CSH2: variants seen among roughly 807,000 people sequenced by gnomAD.
CSH2 encodes choriomammotropin.
A neutral mutation model predicts 22.7 loss-of-function variants in CSH2; 10 were observed. The observed-to-expected ratio is 0.44, with a 90% CI of 0.27 to 0.75. CSH2 has a LOEUF of 0.75. CSH2 is among the 30% of genes least tolerant of loss of function. CSH2 has a pLI of 0.16. For synonymous variants in CSH2, 64 were observed against 115.0 expected (o/e 0.56, Z 2.84); for missense variants, 161 against 271.0 (o/e 0.59, Z 2.85).
rs1476662457 is a variant in CSH2, at chr17:63,872,428, C to T, written c.457-105G>A. ...CTCCCCTTCAGGGTGTAGAGAAGGG[C>T]CTGGAGGATTCACCAGGCGAAATGA... On this transcript the variant is annotated intron_variant, in intron 4 of 4. Coordinates refer to ENST00000392886, the MANE Select transcript of CSH2 (RefSeq NM_020991.4). 1.1e-5 allele frequency: 17 copies of T among 1,613,630 alleles called. 1 individual carries two copies. The South Asian group carries it at 1.8e-4, about 17-fold the overall frequency.
intron 1 of CSH2, 25 bp downstream of exon 1, chr17:63,873,580 C>A (rs1435176888): frequency 6.8e-6 from 11 of 1,610,262 alleles, no homozygotes; most frequent in African/African-American, 1.3e-5. Context: ...CACGTTGTGC[C>A]CAAAGGGATT....
In CSH2 at chr17:63,872,662, G is replaced by C. The variant is rs1439972034; in HGVS notation, c.371C>G (p.Ala124Gly). ...EPVRFLRSMF[A>G]NNLVYDTSDS... ...CGAGGTGTCATACACCAGGTTGTTG[G>C]CGAACATACTCCTGAGGAACCGCAC... Residue 124 changes from alanine to glycine, a missense_variant, in exon 4 of 5, where the codon GCC becomes GGC. This residue lies in a region of CSH2 where 145 missense variants were observed against 157.8 expected (regional missense o/e 0.92). Transcript: ENST00000392886. 1.2e-6 allele frequency: 2 copies of C among 1,608,834 alleles called. No homozygotes were observed. Among genetic ancestry groups the C allele is most frequent in the Non-Finnish European group, 1.7e-6 (2 of 1,178,386 alleles).
intron 1 of CSH2, 34 bp from the exon 2 acceptor site, chr17:63,873,373 G>C (rs776664067): frequency 2.5e-6 from 4 of 1,611,702 alleles, no homozygotes; most frequent in Admixed American, 3.3e-5. Flanking sequence ...GGAGGGAGCC[G>C]GAGAGGAAGA....
At position 63,872,568 on chromosome 17, in the gene CSH2, C is replaced by T; in HGVS notation, c.456+9G>A. 1 of 1,614,050 alleles carries T rather than the reference C, an allele frequency of 6.2e-7. No homozygotes were observed. Among genetic ancestry groups the T allele is most frequent in the Admixed American group, 1.7e-5 (1 of 60,020 alleles). Reference sequence around the variant, plus strand: ...TTCCAGGATTGGCGACCCCTGGCGCCACCCTCACCCCCATCAGCGTTTGGA... The same window carrying T: ...TTCCAGGATTGGCGACCCCTGGCGCTACCCTCACCCCCATCAGCGTTTGGA... On this transcript the variant is annotated intron_variant, in intron 4 of 4. Transcript: ENST00000392886.
At position 63,872,565 on chromosome 17, in the gene CSH2, C is replaced by T. The variant is rs147777413; in HGVS notation, c.456+12G>A. 100 of 1,614,004 alleles carry T rather than the reference C, an allele frequency of 6.2e-5. No homozygotes were observed. Among genetic ancestry groups the T allele is most frequent in the African/African-American group, 5.7e-4 (43 of 75,046 alleles). ...GGGTTCCAGGATTGGCGACCCCTGGCGCCACCCTCACCCCCATCAGCGTTT... is the reference window on the plus strand; with the variant it reads ...GGGTTCCAGGATTGGCGACCCCTGGTGCCACCCTCACCCCCATCAGCGTTT... On this transcript the variant is annotated intron_variant, in intron 4 of 4. Coordinates refer to ENST00000392886, the MANE Select transcript of CSH2 (RefSeq NM_020991.4).
chr17:63,872,493 A>C (rs759198862), intron 4 of CSH2, 84 bp downstream of exon 4: 1 of 1,613,912 alleles, frequency 6.2e-7, no homozygotes, highest in Non-Finnish European at 8.5e-7. Context: ...CCTGACTGCT[A>C]CAAAGAGGGC....
chr17:63,873,448 C>G, intron 1 of CSH2, 109 bp from the exon 2 acceptor site: 3 of 1,599,748 alleles, frequency 1.9e-6, no homozygotes, highest in Non-Finnish European at 2.6e-6. Context: ...CTCCAGAGAC[C>G]AGGAACATTC....
rs368416587 is a variant in CSH2 at position 63,872,556 on chromosome 17, G to A, written c.456+21C>T. ...AAGCCAGTGGGGTTCCAGGATTGGCGACCCCTGGCGCCACCCTCACCCCCA... is the reference window on the plus strand; with the variant it reads ...AAGCCAGTGGGGTTCCAGGATTGGCAACCCCTGGCGCCACCCTCACCCCCA... On this transcript the variant is annotated intron_variant, in intron 4 of 4. Transcript: ENST00000392886. The A allele has an allele frequency of 2.0e-5, 32 of 1,613,892 alleles. 1 individual carries two copies. Among genetic ancestry groups the A allele is most frequent in the Admixed American group, 1.0e-4 (6 of 59,996 alleles).
At chr17:63,872,782 C>T in intron 3 of CSH2, 41 bp from the exon 4 acceptor site, 1 of 1,443,686 alleles carries the variant, frequency 6.9e-7, no homozygotes, top group Non-Finnish European at 9.2e-7. Flanking sequence ...TGCCCGGGAG[C>T]CCTGACCACA....
chr17:63,872,357 C>G lies in CSH2; in HGVS notation c.457-34G>C, dbSNP rs371787568. The G allele has an allele frequency of 1.3e-4, 204 of 1,613,906 alleles. 4 individuals carry two copies. The South Asian group carries it at 1.7e-3, about 13-fold the overall frequency. Reference sequence around the variant, plus strand: ...TGAAGGAAGAGAAGGAGAGGCCAAGCGCTTGGGCACTGTTCCCTCCCTCTC... The same window carrying G: ...TGAAGGAAGAGAAGGAGAGGCCAAGGGCTTGGGCACTGTTCCCTCCCTCTC... On this transcript the variant is annotated intron_variant, in intron 4 of 4. Coordinates refer to ENST00000392886, the MANE Select transcript of CSH2 (RefSeq NM_020991.4).
In CSH2 at chr17:63,872,146, C is replaced by G. The variant is rs199559036; in HGVS notation, c.634G>C (p.Glu212Gln). 5.2e-5 allele frequency: 84 copies of G among 1,613,960 alleles called. No homozygotes were observed. Among genetic ancestry groups the G allele is most frequent in the Non-Finnish European group, 6.8e-5 (80 of 1,179,962 alleles). Residue 212 changes from glutamate to glutamine, a missense_variant, in exon 5 of 5, where the codon GAG (glutamate) becomes CAG (glutamine). Coordinates refer to ENST00000392886, the MANE Select transcript of CSH2 (RefSeq NM_020991.4). ...GGCACCTAGAAGCCACAGCTACCCT[C>G]TACAGAGCGGCACTGCACCATGCGC... is the stretch of plus-strand genomic sequence containing the variant. ...FLRMVQCRSV[E>Q]GSCGF is the part of the protein sequence containing the mutation.
chr17:63,872,265 A>G lies in CSH2; in HGVS notation c.515T>C (p.Phe172Ser), dbSNP rs1454313479. The G allele has an allele frequency of 3.7e-6, 6 of 1,613,840 alleles. No homozygotes were observed. Among genetic ancestry groups the G allele is most frequent in the Non-Finnish European group, 5.1e-6 (6 of 1,179,892 alleles). ...GTCATGGTTGTGTGAGTTTGTGTCA[A>G]ACTTGCTGTAGGTCTGCTTGAGGAT... ...GQILKQTYSK[F>S]DTNSHNHDAL... Residue 172 changes from phenylalanine to serine, a missense_variant, in exon 5 of 5, where the codon TTT (phenylalanine) becomes TCT (serine). Transcript: ENST00000392886.
At position 63,872,342 on chromosome 17, in the gene CSH2, G is replaced by C; in HGVS notation, c.457-19C>G. 6.2e-7 allele frequency: 1 copy of C among 1,613,908 alleles called. No homozygotes were observed. The highest frequency in any genetic ancestry group is 8.5e-7 in the Non-Finnish European group (1 of 1,179,782). Reference sequence around the variant, plus strand: ...CCAGCCTCTGCAAAGTGAAGGAAGAGAAGGAGAGGCCAAGCGCTTGGGCAC... The same window carrying C: ...CCAGCCTCTGCAAAGTGAAGGAAGACAAGGAGAGGCCAAGCGCTTGGGCAC... On this transcript the variant is annotated intron_variant, in intron 4 of 4. Transcript: ENST00000392886.
intron 1 of CSH2, 97 bp from the exon 2 acceptor site, chr17:63,873,436 C>T (rs1248796397): frequency 1.4e-5 from 22 of 1,603,014 alleles, no homozygotes; most frequent in Middle Eastern, 2.2e-4. Context: ...CTCTCTCCAT[C>T]CCTCCAGAGA....
At position 63,872,252 on chromosome 17, in the gene CSH2, T is replaced by G. The variant is rs1050724; in HGVS notation, c.528A>C (p.Ser176=). ...KQTYSKFDTN[S]HNHDALLKNY... ...TCTTGAGCAGTGCGTCATGGTTGTG[T>G]GAGTTTGTGTCAAACTTGCTGTAGG... The change falls in exon 5 of 5, where the codon TCA becomes TCC. Residue 176 remains serine, a synonymous_variant. Transcript: ENST00000392886. 5.0e-6 allele frequency: 8 copies of G among 1,613,716 alleles called. No individual in the cohort carries two copies. The African/African-American group carries it at 1.1e-4, about 22-fold the overall frequency.
chr17:63,873,448 C>A (rs1331181815), intron 1 of CSH2, 109 bp from the exon 2 acceptor site: 9 of 1,599,630 alleles, frequency 5.6e-6, no homozygotes, highest in Non-Finnish European at 7.7e-6. Context: ...CTCCAGAGAC[C>A]AGGAACATTC....
rs1905125316 is a variant in CSH2, at chr17:63,872,176, A to G, written c.604T>C (p.Phe202Leu). The change falls in exon 5 of 5, where the codon TTC becomes CTC. Residue 202 changes from phenylalanine to leucine, a missense_variant. By Grantham distance (22) the Phe-to-Leu change is conservative. Transcript: ENST00000392886. ...GAGCGGCACTGCACCATGCGCAGGA[A>G]TGTCTCGACCTTGTCCATGTCCTTC... is the stretch of plus-strand genomic sequence containing the variant. ...FRKDMDKVET[F>L]LRMVQCRSVE... 1.2e-6 allele frequency: 2 copies of G among 1,613,914 alleles called. No homozygotes were observed. Among genetic ancestry groups the G allele is most frequent in the Non-Finnish European group, 1.7e-6 (2 of 1,179,952 alleles).
Position 63,872,075 on chromosome 17 carries a change from G to T in CSH2, c.*51C>A. On this transcript the variant is annotated 3_prime_UTR_variant, in exon 5 of 5. Transcript: ENST00000392886. Reference sequence around the variant, plus strand: ...TGGGCACTGGAGTGGCACCTTCCAGGGCCAGGAGAGGCACTGGGGAGGGGT... The same window carrying T: ...TGGGCACTGGAGTGGCACCTTCCAGTGCCAGGAGAGGCACTGGGGAGGGGT... 6.2e-7 allele frequency: 1 copy of T among 1,613,306 alleles called. No homozygotes were observed. The highest frequency in any genetic ancestry group is 8.5e-7 in the Non-Finnish European group (1 of 1,179,468).
intron 1 of CSH2, 70 bp downstream of exon 1, chr17:63,873,535 G>A (rs1221437020): frequency 1.3e-6 from 2 of 1,571,234 alleles, no homozygotes; most frequent in Non-Finnish European, 8.7e-7. Context: ...TAGTGCCCCC[G>A]TCCCATCTAC....
Sources: gnomAD v4.1 joint callset for allele counts on GRCh38, gnomAD v4.1.1 for gene constraint, gnomAD v4.1.1 regional missense constraint, MANE v1.5 for transcripts, NCBI Gene and HGNC (gene_info 2026-07-23, HGNC 2026-07-21) for gene names.